ABCC2: variants seen among roughly 807,000 people sequenced by gnomAD.
ABCC2 encodes the protein ATP binding cassette subfamily C member 2.
A neutral mutation model predicts 173.4 loss-of-function variants in ABCC2; 157 were observed. The ratio of observed to expected loss-of-function variants is 0.91; its 90% CI spans 0.80 to 1.03. The LOEUF (loss-of-function observed/expected upper bound fraction) is 1.03, where lower values mean the gene tolerates loss of function less well. Among genes scored for constraint, ABCC2 ranks in the 50% least tolerant of loss-of-function variants. The probability of loss-of-function intolerance (pLI) is 0.00; values close to 1 mark genes in which losing one functional copy is unlikely to be tolerated. For missense variants in ABCC2, 1,822 were observed against 1,852.3 expected (o/e 0.98, Z 0.30); for synonymous variants, 657 against 693.5 (o/e 0.95, Z 0.83).
chr10:99,804,045 G>C lies in ABCC2; in HGVS notation c.1236G>C (p.Arg412Ser). The C allele has an allele frequency of 6.2e-7, 1 of 1,614,178 alleles. No homozygotes were observed. Among genetic ancestry groups the C allele is most frequent in the Non-Finnish European group, 8.5e-7 (1 of 1,180,016 alleles). The change falls in exon 10 of 32, where the codon AGG (arginine) becomes AGC (serine). Residue 412 changes from arginine (R) to serine (S), a missense_variant. Coordinates refer to ENST00000647814, the MANE Select transcript of ABCC2 (RefSeq NM_000392.5). ...KKALTLSNLARKEYTVGETVN... is the reference protein window; with the variant it reads ...KKALTLSNLASKEYTVGETVN... ...CATTGACCCTATCCAACTTGGCCAGGAAGGAGTACACCGTTGGAGAAACAG... is the reference window on the plus strand; with the variant it reads ...CATTGACCCTATCCAACTTGGCCAGCAAGGAGTACACCGTTGGAGAAACAG...
chr10:99,796,326 G>A (rs1393149925), intron 6 of ABCC2, among the ~76,000 whole-genome samples: 2 of 152,124 alleles, frequency 1.3e-5, no homozygotes, highest in Non-Finnish European at 2.9e-5. Context: ...CCAACATGGT[G>A]AAACCCTGTC....
chr10:99,821,300 G>A (rs540894421), intron 19 of ABCC2, among the ~76,000 whole-genome samples: 31 of 152,282 alleles, frequency 2.0e-4, no homozygotes, highest in Non-Finnish European at 3.1e-4. Context: ...GCCCAGGAAC[G>A]GGCAGGAGAT....
chr10:99,797,232 A>C lies in ABCC2; in HGVS notation c.768A>C (p.Ala256=). Residue 256 remains alanine, a synonymous_variant, in exon 7 of 32, where the codon GCA becomes GCC. Transcript: ENST00000647814. ...MKRELQKARR[A]LQRRQEKSSQ... ...GAGAGCTGCAGAAAGCCAGGCGGGC[A>C]CTCCAGAGACGGCAGGAGAAGAGCT... The C allele has an allele frequency of 6.2e-7, 1 of 1,614,088 alleles. No individual in the cohort carries two copies. The highest frequency in any genetic ancestry group is 8.5e-7 in the Non-Finnish European group (1 of 1,180,002).
chr10:99,816,713 G>A (rs780889374), intron 16 of ABCC2, among the ~76,000 whole-genome samples: 15 of 152,264 alleles, frequency 9.9e-5, no homozygotes, highest in African/African-American at 2.9e-4. Flanking sequence ...GGTGAGCGGC[G>A]AGCGAGCATT....
chr10:99,819,367 A>G, intron 19 of ABCC2, 98 bp downstream of exon 19: 2 of 1,180,244 alleles, frequency 1.7e-6, no homozygotes, highest in South Asian at 1.3e-5. Flanking sequence ...AGTGAACTAG[A>G]TTTGGAAGCA....
chr10:99,810,625 G>A (rs1252165801), intron 14 of ABCC2, among the ~76,000 whole-genome samples: 1 of 152,180 alleles, frequency 6.6e-6, no homozygotes, highest in Admixed American at 6.5e-5. Flanking sequence ...TATATATGGA[G>A]GTGGAATTCA....
chr10:99,825,840 C>A (rs191335234), intron 19 of ABCC2, among the ~76,000 whole-genome samples: 8 of 152,156 alleles, frequency 5.3e-5, no homozygotes, highest in African/African-American at 2.4e-5. Flanking sequence ...CCGCTCGTGG[C>A]GGGGGACAAT....
At position 99,813,046 on chromosome 10, in the gene ABCC2, C is replaced by T; in HGVS notation, c.1996C>T (p.Leu666Phe). 3 of 1,614,048 alleles carry T rather than the reference C, an allele frequency of 1.9e-6. No homozygotes were observed. Among genetic ancestry groups the T allele is most frequent in the East Asian group, 2.2e-5 (1 of 44,876 alleles). ...GAACCTGGACATTATGGCAGGCCAA[C>T]TTGTGGCTGTGATAGGCCCTGTCGG... ...DVNLDIMAGQ[L>F]VAVIGPVGSG... The change falls in exon 16 of 32, where the codon CTT becomes TTT. Residue 666 changes from leucine to phenylalanine, a missense_variant. By Grantham distance (22) the Leu-to-Phe change is conservative. Coordinates refer to ENST00000647814, the MANE Select transcript of ABCC2 (RefSeq NM_000392.5).
At chr10:99,790,606 G>A (rs1301481917) in intron 2 of ABCC2, among the ~76,000 whole-genome samples, 1 of 152,008 alleles carries the variant, frequency 6.6e-6, no homozygotes, top group Non-Finnish European at 1.5e-5. Context: ...CCTCTAGCTT[G>A]CTCTATTTTA....
rs1220178159 is a variant in ABCC2, at chr10:99,817,502, G to A, written c.2271+18G>A. On this transcript the variant is annotated intron_variant, in intron 17 of 31. Transcript: ENST00000647814. Reference sequence around the variant, plus strand: ...GAGAGAAGGTACTTGGGATAACAAGGGATCTTCAAGGGTGAAGGCATATTG... The same window carrying A: ...GAGAGAAGGTACTTGGGATAACAAGAGATCTTCAAGGGTGAAGGCATATTG... The A allele has an allele frequency of 6.2e-7, 1 of 1,613,826 alleles. No individual in the cohort carries two copies. The highest frequency in any genetic ancestry group is 1.3e-5 in the African/African-American group (1 of 75,020).
At chr10:99,841,913 T>C (rs1462317841) in intron 25 of ABCC2, 54 bp from the exon 26 acceptor site, 4 of 1,613,484 alleles carry the variant, frequency 2.5e-6, no homozygotes, top group Admixed American at 3.3e-5. Flanking sequence ...AGGTTGCTGG[T>C]TAAGATGAGG....
At chr10:99,795,768 AAAG>A (rs1360164700) in intron 6 of ABCC2, among the ~76,000 whole-genome samples, 3 of 146,146 alleles carry the variant, frequency 2.1e-5, no homozygotes, top group African/African-American at 8.1e-5. Flanking sequence ...AGAAAGAAAG[AAAG>A]AAAGAAAGAA....
chr10:99,806,318 C>T (rs1298425335), intron 11 of ABCC2, among the ~76,000 whole-genome samples: 1 of 152,126 alleles, frequency 6.6e-6, no homozygotes, highest in African/African-American at 2.4e-5. Flanking sequence ...CCATCCCTTA[C>T]AAGGTTTCCT....
chr10:99,850,632 C>T lies in ABCC2; in HGVS notation c.4344C>T (p.Gly1448=). The T allele has an allele frequency of 6.2e-7, 1 of 1,614,222 alleles. No individual in the cohort carries two copies. Among genetic ancestry groups the T allele is most frequent in the South Asian group, 1.1e-5 (1 of 91,080 alleles). Residue 1448 remains glycine, a synonymous_variant, in exon 31 of 32, where the codon GGC becomes GGT. Coordinates refer to ENST00000647814, the MANE Select transcript of ABCC2 (RefSeq NM_000392.5). ...GCCAGAGGCAGCTGCTGTGCCTGGG[C>T]AGGGCTCTGCTTCGGAAATCCAAGA... The part of the protein sequence containing the change: ...SIGQRQLLCL[G]RALLRKSKIL...
chr10:99,800,595 A>T lies in ABCC2; in HGVS notation c.1209+32A>T, dbSNP rs753550493. The stretch of plus-strand genomic sequence containing the variant: ...AGAATACGGCAGGTATCACCAAAGA[A>T]AATCCCCTCAGTAAATATGAGCATT... On this transcript the variant is annotated intron_variant, in intron 9 of 31. Transcript: ENST00000647814. 1.9e-6 allele frequency: 3 copies of T among 1,611,178 alleles called. No homozygotes were observed. The South Asian group carries it at 3.3e-5, about 18-fold the overall frequency.
At chr10:99,822,219 C>T (rs2038551437) in intron 19 of ABCC2, among the ~76,000 whole-genome samples, 1 of 152,206 alleles carries the variant, frequency 6.6e-6, no homozygotes, top group African/African-American at 2.4e-5. Flanking sequence ...GGAGACTTAC[C>T]ACCGTTGATA....
intron 6 of ABCC2, among the ~76,000 whole-genome samples, chr10:99,796,198 A>G (rs2037908545): frequency 6.6e-6 from 1 of 151,944 alleles, no homozygotes; most frequent in South Asian, 2.1e-4. Context: ...CCCCATCTCT[A>G]CTAAAAATAC....
chr10:99,793,807 T>C, intron 4 of ABCC2, 85 bp from the exon 5 acceptor site: 1 of 1,567,528 alleles, frequency 6.4e-7, no homozygotes, highest in Non-Finnish European at 8.8e-7. Flanking sequence ...TCATAGGCTT[T>C]AATCACAAGC....
chr10:99,824,681 C>T (rs1343809393), intron 19 of ABCC2, among the ~76,000 whole-genome samples: 3 of 152,180 alleles, frequency 2.0e-5, no homozygotes, highest in Non-Finnish European at 4.4e-5. Context: ...AAAAGCAATC[C>T]TTTAGATCAA....
Sources: allele counts gnomAD v4.1 joint callset (sites outside exome capture counted in the v4.1 genomes callset), GRCh38; gene constraint gnomAD v4.1.1; transcripts MANE v1.5; gene names NCBI Gene and HGNC (gene_info 2026-07-23, HGNC 2026-07-21).